SUMF1: variants seen among roughly 807,000 people sequenced by gnomAD.
The protein encoded by SUMF1 is sulfatase modifying factor 1, also known as formylglycine-generating enzyme.
In SUMF1, 48 loss-of-function variants were observed where a neutral mutation model predicts 47.6. That is an observed-to-expected ratio of 1.01 (90% CI 0.80 to 1.28). SUMF1 has a LOEUF of 1.28. Ranked by LOEUF, SUMF1 falls within the 50% of genes most tolerant of loss-of-function variation. The pLI, the probability that SUMF1 is intolerant of heterozygous loss-of-function variation, is 0.00. For missense variants in SUMF1, 571 were observed against 485.4 expected, an observed-to-expected ratio of 1.18 and a Z score of -1.66; for synonymous variants, 230 against 192.1, an observed-to-expected ratio of 1.20 and a Z score of -1.63.
At chr3:4,380,954 G>A (rs1219689076) in intron 7 of SUMF1, among the ~76,000 whole-genome samples, 10 of 152,266 alleles carry the variant, frequency 6.6e-5, no homozygotes, top group African/African-American at 1.7e-4. Flanking sequence ...ACAGAACCAC[G>A]TATCAGTGAG....
chr3:4,147,794 T>C (rs1694229988), intron 8 of SUMF1, among the ~76,000 whole-genome samples: 1 of 152,166 alleles, frequency 6.6e-6, no homozygotes, highest in African/African-American at 2.4e-5. Context: ...CCCAGCAGAA[T>C]GATCATATCA....
At chr3:4,293,429 T>G (rs1559659544) in intron 8 of SUMF1, among the ~76,000 whole-genome samples, 1 of 152,184 alleles carries the variant, frequency 6.6e-6, no homozygotes. Flanking sequence ...GTTTGTTGCC[T>G]CCATTCACTT....
At chr3:4,339,867 A>C (rs1294241951) in intron 8 of SUMF1, among the ~76,000 whole-genome samples, 1 of 152,186 alleles carries the variant, frequency 6.6e-6, no homozygotes, top group Non-Finnish European at 1.5e-5. Flanking sequence ...GCTTCAGCCC[A>C]GGAGTTCAAG....
intron 8 of SUMF1, among the ~76,000 whole-genome samples, chr3:4,254,276 G>A (rs1339939453): frequency 2.0e-5 from 3 of 152,018 alleles, no homozygotes; most frequent in South Asian, 2.1e-4. Context: ...TGACTTTGAC[G>A]AGCTGAGAGA....
intron 8 of SUMF1, among the ~76,000 whole-genome samples, chr3:4,134,283 G>A (rs1266748101): frequency 1.3e-5 from 2 of 152,116 alleles, no homozygotes; most frequent in African/African-American, 4.8e-5. Context: ...AGACCACAGT[G>A]CAATCAAACT....
At chr3:4,074,327 C>T (rs1692361294) in intron 8 of SUMF1, among the ~76,000 whole-genome samples, 1 of 152,098 alleles carries the variant, frequency 6.6e-6, no homozygotes, top group Non-Finnish European at 1.5e-5. Flanking sequence ...ATCTCTGTGA[C>T]ACATTTAAAG....
At chr3:4,453,665 C>G (rs1374851615) in intron 1 of SUMF1, among the ~76,000 whole-genome samples, 1 of 151,788 alleles carries the variant, frequency 6.6e-6, no homozygotes, top group Non-Finnish European at 1.5e-5. Flanking sequence ...TCCTGAGTAG[C>G]TGGGATTACA....
At chr3:4,465,971 A>C (rs2079933479) in intron 1 of SUMF1, among the ~76,000 whole-genome samples, 1 of 152,226 alleles carries the variant, frequency 6.6e-6, no homozygotes, top group South Asian at 2.1e-4. Context: ...GGAATGGGAA[A>C]AGGATAGTGT....
At chr3:4,353,931 A>G (rs2125160250) in intron 8 of SUMF1, among the ~76,000 whole-genome samples, 1 of 152,272 alleles carries the variant, frequency 6.6e-6, no homozygotes, top group African/African-American at 2.4e-5. Flanking sequence ...CAGTGTGATC[A>G]TAGCAAACTC....
chr3:4,319,728 T>A (rs1698782280), intron 8 of SUMF1, among the ~76,000 whole-genome samples: 1 of 152,204 alleles, frequency 6.6e-6, no homozygotes, highest in Non-Finnish European at 1.5e-5. Context: ...ATAACAAGGT[T>A]ATAATTGGTT....
At chr3:4,263,525 A>C (rs144981257) in intron 8 of SUMF1, among the ~76,000 whole-genome samples, 176 of 152,264 alleles carry the variant, frequency 1.2e-3, no homozygotes, top group African/African-American at 4.1e-3. Flanking sequence ...CTCCTAGTAT[A>C]CCGAACCAAG....
intron 8 of SUMF1, among the ~76,000 whole-genome samples, chr3:4,253,576 T>G (rs372837741): frequency 2.0e-5 from 3 of 150,888 alleles, no homozygotes; most frequent in Admixed American, 6.6e-5. Flanking sequence ...CGGCGCACCA[T>G]GAGACTATAT....
chr3:4,038,014 G>A (rs908536873), intron 9 of SUMF1, among the ~76,000 whole-genome samples: 27 of 152,154 alleles, frequency 1.8e-4, no homozygotes, highest in African/African-American at 6.3e-4. Flanking sequence ...TTGCTCAGTT[G>A]CTGTGTTCTC....
At chr3:4,218,735 CAT>C (rs1366780775) in intron 8 of SUMF1, among the ~76,000 whole-genome samples, 1 of 152,134 alleles carries the variant, frequency 6.6e-6, no homozygotes, top group African/African-American at 2.4e-5. Context: ...AGGCAATGAG[CAT>C]AGTTTCCAAA....
chr3:4,219,083 C>G (rs529990189), intron 8 of SUMF1, among the ~76,000 whole-genome samples: 1 of 152,164 alleles, frequency 6.6e-6, no homozygotes, highest in Admixed American at 6.6e-5. Context: ...AATGTCAACA[C>G]ACACTCCCCC....
Position 4,463,256 on chromosome 3 carries a change from C to A in SUMF1, c.270+3720G>T, listed in dbSNP as rs2079859971. Among the ~76,000 whole-genome samples, 3 of 152,338 alleles carry A rather than the reference C, an allele frequency of 2.0e-5. No individual in the cohort carries two copies. The South Asian group carries it at 6.2e-4, about 32-fold the overall frequency. ...CCTGTAATCCCAGCACTTTGGGAGG[C>A]AGAGGCAGGTGGATCACGAAGTCAA... On this transcript the variant is annotated intron_variant, in intron 1 of 8. Coordinates refer to ENST00000272902, the MANE Select transcript of SUMF1 (RefSeq NM_182760.4).
chr3:4,083,723 G>A (rs1195408536), intron 8 of SUMF1, among the ~76,000 whole-genome samples: 1 of 151,896 alleles, frequency 6.6e-6, no homozygotes, highest in Non-Finnish European at 1.5e-5. Context: ...AAAGATATAT[G>A]TGACATCATG....
intron 8 of SUMF1, among the ~76,000 whole-genome samples, chr3:4,211,121 TACAC>T (rs1553609385): frequency 7.8e-6 from 1 of 128,304 alleles, no homozygotes; most frequent in African/African-American, 3.0e-5. Context: ...TATATATATA[TACAC>T]ACACACACAC....
intron 8 of SUMF1, among the ~76,000 whole-genome samples, chr3:4,174,697 C>T (rs1364360469): frequency 2.0e-5 from 3 of 152,148 alleles, no homozygotes; most frequent in Non-Finnish European, 4.4e-5. Flanking sequence ...ACAGTGGGTG[C>T]AGCCCATGGA....
Sources: gnomAD v4.1 joint callset for allele counts (sites outside exome capture counted in the v4.1 genomes callset) on GRCh38, gnomAD v4.1.1 for gene constraint, MANE v1.5 for transcripts, NCBI Gene and HGNC (gene_info 2026-07-23, HGNC 2026-07-21) for gene names.